The following GADL1 variants were observed in gnomAD, a reference collection of about 807,000 sequenced individuals.
The protein encoded by GADL1 is acidic amino acid decarboxylase GADL1.
In GADL1, 71 loss-of-function variants were observed where a neutral mutation model predicts 69.5. The observed-to-expected ratio is 1.02, with a 90% CI of 0.84 to 1.25. GADL1 has a LOEUF of 1.25. Ranked by LOEUF, GADL1 falls within the 50% of genes most tolerant of loss-of-function variation. The probability of loss-of-function intolerance (pLI) is 0.00; values close to 1 mark genes in which losing one functional copy is unlikely to be tolerated. For missense variants in GADL1, 737 were observed against 631.8 expected (o/e 1.17, Z -1.79); for synonymous variants, 254 against 214.4 (o/e 1.18, Z -1.62).
chr3:30,765,946 C>T (rs973539761), intron 14 of GADL1, among the ~76,000 whole-genome samples: 6 of 151,706 alleles, frequency 4.0e-5, no homozygotes, highest in Non-Finnish European at 7.4e-5. Context: ...ACTGGCAAGA[C>T]GGGAAGAAAA....
At position 30,894,598 on chromosome 3, in the gene GADL1, T is replaced by A; in HGVS notation, c.17A>T (p.Asp6Val). Residue 6 changes from aspartate to valine, a missense_variant, in exon 1 of 15, where the codon GAC becomes GTC. Asp to Val is a radical substitution (Grantham distance 152, BLOSUM62 -3). Transcript: ENST00000282538. Reference protein sequence around the residue: MSSDSDRQCPVDGDID... With the variant: MSSDSVRQCPVDGDID... ...GTTACCGTCCACAGGACACTGGCGG[T>A]CCGAGTCGCTGCTCATCTCCGCTCC... The A allele has an allele frequency of 6.4e-7, 1 of 1,550,882 alleles. No homozygotes were observed. Among genetic ancestry groups the A allele is most frequent in the South Asian group, 1.2e-5 (1 of 83,992 alleles).
chr3:30,836,713 A>G (rs1245969867), intron 9 of GADL1, among the ~76,000 whole-genome samples: 1 of 151,606 alleles, frequency 6.6e-6, no homozygotes, highest in Non-Finnish European at 1.5e-5. Context: ...TGTGCCTTCT[A>G]TGGCACTTGG....
intron 1 of GADL1, 39 bp from the exon 2 acceptor site, chr3:30,861,804 TA>T: frequency 7.2e-7 from 1 of 1,392,678 alleles, no homozygotes; most frequent in Non-Finnish European, 9.8e-7. Context: ...AGAGATAATC[TA>T]ATTACACCAC....
chr3:30,778,434 C>T (rs1240981459), intron 13 of GADL1, among the ~76,000 whole-genome samples, 166 bp from the exon 14 acceptor site: 1 of 152,110 alleles, frequency 6.6e-6, no homozygotes, highest in East Asian at 1.9e-4. Flanking sequence ...TTGATAACAT[C>T]CTATTTAAAA....
chr3:30,837,486 A>G (rs1418600564), intron 9 of GADL1, among the ~76,000 whole-genome samples: 3 of 152,120 alleles, frequency 2.0e-5, no homozygotes, highest in Non-Finnish European at 4.4e-5. Context: ...TTCTTCAAAG[A>G]CTCAACCTTT....
chr3:30,826,288 G>A (rs1309644688), intron 11 of GADL1, among the ~76,000 whole-genome samples: 4 of 151,834 alleles, frequency 2.6e-5, no homozygotes, highest in South Asian at 2.1e-4. Flanking sequence ...GGACACAAAG[G>A]CAGAATTTCA....
chr3:30,785,596 T>G (rs1464062973), intron 13 of GADL1, among the ~76,000 whole-genome samples: 2 of 152,102 alleles, frequency 1.3e-5, no homozygotes, highest in African/African-American at 4.8e-5. Flanking sequence ...TAGGCTGGTC[T>G]CGAACTCCTC....
intron 1 of GADL1, among the ~76,000 whole-genome samples, chr3:30,873,191 A>C (rs559625388): frequency 1.3e-5 from 2 of 152,004 alleles, no homozygotes; most frequent in African/African-American, 4.8e-5. Context: ...AAACAAAAAT[A>C]TAATTGCACT....
chr3:30,864,280 T>C (rs1224975895), intron 1 of GADL1, among the ~76,000 whole-genome samples: 1 of 151,872 alleles, frequency 6.6e-6, no homozygotes, highest in South Asian at 2.1e-4. Context: ...ATTAGTAGGA[T>C]TTCAAGCTTT....
intron 14 of GADL1, among the ~76,000 whole-genome samples, chr3:30,758,856 T>C (rs1696047870): frequency 6.6e-6 from 1 of 152,236 alleles, no homozygotes; most frequent in Non-Finnish European, 1.5e-5. Flanking sequence ...GTCGCCCTTT[T>C]GATAGTCTTC....
chr3:30,835,466 CAA>C (rs1379821508), intron 9 of GADL1, among the ~76,000 whole-genome samples: 2 of 151,978 alleles, frequency 1.3e-5, no homozygotes, highest in East Asian at 3.9e-4. Context: ...CAGAGTATTA[CAA>C]AATTTGGGCC....
chr3:30,883,422 T>G (rs1698667646), intron 1 of GADL1, among the ~76,000 whole-genome samples: 1 of 151,960 alleles, frequency 6.6e-6, no homozygotes, highest in Non-Finnish European at 1.5e-5. Flanking sequence ...CTCCATAGAG[T>G]GGTCTTCTAG....
chr3:30,728,772 T>TA lies in GADL1; in HGVS notation c.1393-358dup, dbSNP rs11412635. On this transcript the variant is annotated intron_variant, in intron 14 of 14. Transcript: ENST00000282538. ...AAATCATTATTCAATGCTGCCTCAT[T>TA]AAAAACAAATCAGGTGTCCACAGGG... Among the ~76,000 whole-genome samples the TA allele has an allele frequency of 9.4e-3, 1,433 of 152,206 alleles. 18 individuals are homozygous for TA. Among genetic ancestry groups the TA allele is most frequent in the African/African-American group, 0.033 (1,362 of 41,516 alleles).
chr3:30,734,614 TA>T (rs1559482636), intron 14 of GADL1, among the ~76,000 whole-genome samples: 1 of 152,168 alleles, frequency 6.6e-6, no homozygotes, highest in Non-Finnish European at 1.5e-5. Context: ...TAGTCTTATA[TA>T]AAAAAATTTT....
intron 13 of GADL1, among the ~76,000 whole-genome samples, chr3:30,779,256 T>C (rs779739344): frequency 3.9e-5 from 6 of 152,234 alleles, no homozygotes; most frequent in Admixed American, 2.0e-4. Flanking sequence ...TCAGGAAAGA[T>C]TGTGTCATAT....
chr3:30,879,173 A>T (rs1044970749), intron 1 of GADL1, among the ~76,000 whole-genome samples: 10 of 151,990 alleles, frequency 6.6e-5, no homozygotes, highest in Admixed American at 5.2e-4. Flanking sequence ...ATGCATACTC[A>T]TGGCTTCTTA....
intron 14 of GADL1, among the ~76,000 whole-genome samples, chr3:30,762,986 G>A (rs1696178518): frequency 6.6e-6 from 1 of 152,144 alleles, no homozygotes; most frequent in Non-Finnish European, 1.5e-5. Context: ...TGGACACTTA[G>A]GTTGCTCCCA....
At chr3:30,845,358 A>T (rs577415892) in intron 6 of GADL1, among the ~76,000 whole-genome samples, 68 of 152,288 alleles carry the variant, frequency 4.5e-4, no homozygotes, top group African/African-American at 1.6e-3. Flanking sequence ...CAGGTGGTCA[A>T]TTAATTCTTT....
At chr3:30,829,117 T>C (rs756033450) in intron 11 of GADL1, among the ~76,000 whole-genome samples, 1 of 151,864 alleles carries the variant, frequency 6.6e-6, no homozygotes, top group East Asian at 1.9e-4. Context: ...GCATCAAAAC[T>C]GTCTTTGATC....
Sources: allele counts gnomAD v4.1 joint callset (sites outside exome capture counted in the v4.1 genomes callset), GRCh38; gene constraint gnomAD v4.1.1; transcripts MANE v1.5; gene names NCBI Gene and HGNC (gene_info 2026-07-23, HGNC 2026-07-21).